Variants in CDC14B observed in about 807,000 individuals in gnomAD.
CDC14B encodes the protein dual specificity protein phosphatase CDC14B.
Under a neutral mutation model 64.2 loss-of-function variants are expected in CDC14B, and 22 were observed. The ratio of observed to expected loss-of-function variants is 0.34; its 90% CI spans 0.24 to 0.49. The LOEUF is 0.49. Ranked by LOEUF, CDC14B falls within the 20% of genes least tolerant of loss-of-function variation. The pLI, the probability that CDC14B is intolerant of heterozygous loss-of-function variation, is 0.99. For synonymous variants in CDC14B, 191 were observed against 215.8 expected (o/e 0.89, Z 1.01); for missense variants, 498 against 629.9 (o/e 0.79, Z 2.24).
At chr9:96,575,894 A>G (rs1844772377) in intron 1 of CDC14B, among the ~76,000 whole-genome samples, 1 of 152,254 alleles carries the variant, frequency 6.6e-6, no homozygotes, top group Non-Finnish European at 1.5e-5. Flanking sequence ...ACAAAGCCTT[A>G]CAGAAAAAAC....
rs765362414 is a variant in CDC14B, at chr9:96,551,769, A to G, written c.497+27T>C. ...TTTCTGGCAAGGATCTGATTACCTG[A>G]ATCTACCACATCATTCTTATATTTA... On this transcript the variant is annotated intron_variant, in intron 5 of 13. Transcript: ENST00000375241. 5 of 1,600,900 alleles carry G rather than the reference A, an allele frequency of 3.1e-6. No homozygotes were observed. The Admixed American group carries it at 8.7e-5, about 28-fold the overall frequency.
At position 96,565,372 on chromosome 9, in the gene CDC14B, C is replaced by A. The variant is rs200503328; in HGVS notation, c.251+21G>T. 1.8e-4 allele frequency: 265 copies of A among 1,446,700 alleles called. 1 individual carries two copies. The African/African-American group carries it at 3.2e-3, about 17-fold the overall frequency. The allele number at this position is 1,446,700 out of a possible 1,614,324, so 89.6% of individuals were successfully genotyped here. On this transcript the variant is annotated intron_variant, in intron 2 of 13. Transcript: ENST00000375241. ...TTCTTCAAAAACAAAAAGTTAAAAT[C>A]TTTTAAAGAGCAATACTTACTTCTC...
chr9:96,494,979 T>C (rs550594950), intron 13 of CDC14B, among the ~76,000 whole-genome samples: 7,027 of 151,170 alleles, frequency 0.046, 215 homozygotes, highest in Non-Finnish European at 0.071. Flanking sequence ...GGACTACAGG[T>C]ACCTGCCACC....
chr9:96,522,390 T>C (rs1449849409), intron 12 of CDC14B, 116 bp downstream of exon 12: 1 of 745,980 alleles, frequency 1.3e-6, no homozygotes, highest in African/African-American at 1.7e-5. Flanking sequence ...GGCAAGCATT[T>C]CAAAGTGGCA....
chr9:96,538,759 A>C (rs1839633104), intron 7 of CDC14B: 1 of 200,060 alleles, frequency 5.0e-6, no homozygotes, highest in Non-Finnish European at 1.0e-5. Context: ...GAAAAATTAA[A>C]AACAGGCAGA....
intron 1 of CDC14B, among the ~76,000 whole-genome samples, chr9:96,603,992 GA>G (rs1251184711): frequency 2.0e-5 from 3 of 152,038 alleles, no homozygotes; most frequent in African/African-American, 7.2e-5. Flanking sequence ...TCCCTTATTC[GA>G]AATAAAAGAC....
At chr9:96,532,695 T>G (rs1482969622) in intron 9 of CDC14B, among the ~76,000 whole-genome samples, 1 of 152,196 alleles carries the variant, frequency 6.6e-6, no homozygotes, top group African/African-American at 2.4e-5. Context: ...TCTTTAATGA[T>G]TCTAGCTTCA....
At chr9:96,581,645 T>C (rs1379427040) in intron 1 of CDC14B, among the ~76,000 whole-genome samples, 3 of 151,962 alleles carry the variant, frequency 2.0e-5, no homozygotes, top group Non-Finnish European at 4.4e-5. Context: ...GAAGGAAGTA[T>C]TTACTTTTTG....
At chr9:96,548,104 C>T (rs922180068) in intron 5 of CDC14B, among the ~76,000 whole-genome samples, 2 of 152,086 alleles carry the variant, frequency 1.3e-5, no homozygotes, top group Non-Finnish European at 2.9e-5. Context: ...GGATTACAGG[C>T]GTGAGCCACA....
In CDC14B at chr9:96,507,736, A is replaced by C. The variant is rs141985676; in HGVS notation, c.1460+1937T>G. ...GCCTGAATTTTTAATAGCTTGGCTC[A>C]CCAAAAAGTGTCAGTTAAAACACTC... is the stretch of plus-strand genomic sequence containing the variant. On this transcript the variant is annotated intron_variant, in intron 13 of 13. Coordinates refer to ENST00000375241, the MANE Select transcript of CDC14B (RefSeq NM_033331.4). 4.3e-3 allele frequency among the ~76,000 whole-genome samples: 651 copies of C among 152,178 alleles called. 2 individuals carry two copies. The highest frequency in any genetic ancestry group is 0.015 in the African/African-American group (618 of 41,514).
chr9:96,502,627 C>A lies in CDC14B; in HGVS notation c.*1126G>T. 3.1e-6 allele frequency: 1 copy of A among 319,550 alleles called. No individual in the cohort carries two copies. The highest frequency in any genetic ancestry group is 5.5e-6 in the Non-Finnish European group (1 of 180,686). The allele number at this position is 319,550 out of a possible 1,614,324, so 19.8% of individuals were successfully genotyped here. A position where few individuals can be genotyped will look rare whatever the true frequency, so the allele number is the denominator to read the frequency against. ...TTTTTTTTTTAGCAGCACATCAATT[C>A]TGTTTCTGTAACTGCTTCATGGCAC... is the stretch of plus-strand genomic sequence containing the variant. On this transcript the variant is annotated 3_prime_UTR_variant, in exon 14 of 14. Transcript: ENST00000375241.
chr9:96,589,066 T>C (rs980756188), intron 1 of CDC14B, among the ~76,000 whole-genome samples: 1 of 152,254 alleles, frequency 6.6e-6, no homozygotes, highest in African/African-American at 2.4e-5. Flanking sequence ...CCAGGAGCAG[T>C]GGCTCATGCC....
chr9:96,617,935 A>T (rs1272762155), intron 1 of CDC14B, among the ~76,000 whole-genome samples: 1 of 152,086 alleles, frequency 6.6e-6, no homozygotes, highest in African/African-American at 2.4e-5. Context: ...TGGGAAGGGC[A>T]CAACGTTAGC....
chr9:96,540,370 C>T (rs1263845331), intron 6 of CDC14B, among the ~76,000 whole-genome samples: 3 of 152,186 alleles, frequency 2.0e-5, no homozygotes, highest in Middle Eastern at 6.8e-3. Context: ...CGGTGGTGCA[C>T]GCCTGTAATC....
intron 7 of CDC14B, among the ~76,000 whole-genome samples, chr9:96,536,270 A>C (rs1412381440): frequency 6.6e-6 from 1 of 152,068 alleles, no homozygotes; most frequent in South Asian, 2.1e-4. Flanking sequence ...CCCAGCCCAG[A>C]CCCTCCAATC....
chr9:96,578,246 A>G (rs1844924889), intron 1 of CDC14B, among the ~76,000 whole-genome samples: 1 of 152,226 alleles, frequency 6.6e-6, no homozygotes, highest in South Asian at 2.1e-4. Context: ...TTGAGTAAGT[A>G]AATGGAGAGG....
intron 12 of CDC14B, among the ~76,000 whole-genome samples, chr9:96,512,840 G>C (rs1161401290): frequency 6.9e-6 from 1 of 144,994 alleles, no homozygotes; most frequent in Admixed American, 7.0e-5. Context: ...CAAGACTCCT[G>C]TTGGCTTTTT....
At chr9:96,551,111 C>CTTTTTTTTTTGTTTTTTTTTTTTTTTTTT (rs1841750635) in intron 5 of CDC14B, among the ~76,000 whole-genome samples, 1 of 93,296 alleles carries the variant, frequency 1.1e-5, no homozygotes, top group Non-Finnish European at 2.0e-5. Context: ...TTGGGGTTTG[C>CTTTTTTTTTTGTTTTTTTTTTTTTTTTTT]TTTTTTTTTT....
chr9:96,595,016 G>A (rs1470314589), intron 1 of CDC14B, among the ~76,000 whole-genome samples: 3 of 151,888 alleles, frequency 2.0e-5, no homozygotes, highest in Non-Finnish European at 4.4e-5. Flanking sequence ...TGGGTGTGGT[G>A]GCACGTGCCT....
Sources: gnomAD v4.1 joint callset for allele counts (sites outside exome capture counted in the v4.1 genomes callset) on GRCh38, gnomAD v4.1.1 for gene constraint, MANE v1.5 for transcripts, NCBI Gene and HGNC (gene_info 2026-07-23, HGNC 2026-07-21) for gene names.